Variants in CTNNA3 observed in about 807,000 individuals in gnomAD.
CTNNA3 encodes the protein catenin alpha-3.
A neutral mutation model predicts 95.7 loss-of-function variants in CTNNA3; 76 were observed. The observed-to-expected ratio is 0.79, with a 90% CI of 0.66 to 0.96. The LOEUF is 0.96. Among genes scored for constraint, CTNNA3 ranks in the 40% least tolerant of loss-of-function variants. CTNNA3 has a pLI of 0.00. For missense variants in CTNNA3, 1,191 were observed against 1,089.8 expected, an observed-to-expected ratio of 1.09 and a Z score of -1.31; for synonymous variants, 431 against 374.4, an observed-to-expected ratio of 1.15 and a Z score of -1.74.
intron 5 of CTNNA3, among the ~76,000 whole-genome samples, chr10:67,235,175 A>G (rs1589065341): frequency 6.6e-6 from 1 of 152,216 alleles, no homozygotes; most frequent in African/African-American, 2.4e-5. Flanking sequence ...TTAAAGTTCA[A>G]ATGGAACCAA....
intron 11 of CTNNA3, among the ~76,000 whole-genome samples, chr10:66,387,593 G>A (rs988147391): frequency 5.3e-5 from 8 of 152,062 alleles, no homozygotes; most frequent in East Asian, 1.9e-4. Flanking sequence ...TCCCATTACT[G>A]GGTATATATA....
At chr10:66,518,565 G>C (rs1840944912) in intron 11 of CTNNA3, among the ~76,000 whole-genome samples, 1 of 152,042 alleles carries the variant, frequency 6.6e-6, no homozygotes, top group African/African-American at 2.4e-5. Flanking sequence ...GCTTAATGTT[G>C]TTCATAATAA....
At chr10:66,175,970 T>C (rs535959051) in intron 13 of CTNNA3, among the ~76,000 whole-genome samples, 1 of 152,326 alleles carries the variant, frequency 6.6e-6, no homozygotes, top group East Asian at 1.9e-4. Flanking sequence ...TCCATTCAGC[T>C]TTTATAATTA....
At chr10:66,994,227 A>G (rs1589564984) in intron 7 of CTNNA3, among the ~76,000 whole-genome samples, 1 of 152,192 alleles carries the variant, frequency 6.6e-6, no homozygotes, top group Non-Finnish European at 1.5e-5. Flanking sequence ...GGTTAAAAGG[A>G]AAAGATGAAA....
At chr10:66,565,602 T>G (rs1328524518) in intron 10 of CTNNA3, among the ~76,000 whole-genome samples, 1 of 152,154 alleles carries the variant, frequency 6.6e-6, no homozygotes, top group African/African-American at 2.4e-5. Context: ...CACAGCAGGT[T>G]GAAGGATGGC....
chr10:67,192,687 G>C (rs1381642512), intron 6 of CTNNA3, among the ~76,000 whole-genome samples: 1 of 151,928 alleles, frequency 6.6e-6, no homozygotes, highest in Non-Finnish European at 1.5e-5. Flanking sequence ...ATGAAAAAAA[G>C]TGGGGAGATT....
chr10:66,818,764 A>G (rs1842187067), intron 7 of CTNNA3, among the ~76,000 whole-genome samples: 1 of 151,990 alleles, frequency 6.6e-6, no homozygotes, highest in Non-Finnish European at 1.5e-5. Flanking sequence ...TGATCATAAT[A>G]TTCATATGGA....
At chr10:67,066,702 C>T (rs1589688522) in intron 7 of CTNNA3, among the ~76,000 whole-genome samples, 1 of 152,276 alleles carries the variant, frequency 6.6e-6, no homozygotes, top group East Asian at 1.9e-4. Flanking sequence ...TATTATCCCT[C>T]TTCCTTTCTG....
chr10:67,130,986 T>G (rs1053605101), intron 7 of CTNNA3, among the ~76,000 whole-genome samples: 1 of 152,120 alleles, frequency 6.6e-6, no homozygotes, highest in Non-Finnish European at 1.5e-5. Flanking sequence ...ATATAGGGCA[T>G]GCAGAGTCTA....
chr10:67,146,365 A>G (rs1198017231), intron 7 of CTNNA3, among the ~76,000 whole-genome samples: 1 of 152,226 alleles, frequency 6.6e-6, no homozygotes, highest in Admixed American at 6.5e-5. Flanking sequence ...CTATCTATAT[A>G]CCTCTGCCTC....
chr10:67,559,607 C>T (rs1427611140), intron 3 of CTNNA3, among the ~76,000 whole-genome samples: 2 of 152,166 alleles, frequency 1.3e-5, no homozygotes, highest in African/African-American at 4.8e-5. Context: ...AGGAACACAG[C>T]TCCTCACCAG....
rs1841659518 is a variant in CTNNA3, at chr10:67,564,225, A to T, written c.293-24556T>A. ...TTATTGTGGCACTATTCACAATAGC[A>T]AAGACTTGAAACCAACCCAAATGTC... On this transcript the variant is annotated intron_variant, in intron 3 of 17. Coordinates refer to ENST00000433211, the MANE Select transcript of CTNNA3 (RefSeq NM_013266.4). Among the ~76,000 whole-genome samples the T allele has an allele frequency of 2.0e-5, 3 of 149,670 alleles. 1 individual carries two copies. The highest frequency in any genetic ancestry group is 2.0e-4 in the Admixed American group (3 of 14,976).
chr10:67,307,699 T>A (rs1840613249), intron 5 of CTNNA3, among the ~76,000 whole-genome samples: 1 of 152,172 alleles, frequency 6.6e-6, no homozygotes, highest in Non-Finnish European at 1.5e-5. Context: ...GCCTATCACC[T>A]CTTTCTAAGA....
intron 1 of CTNNA3, among the ~76,000 whole-genome samples, chr10:67,710,412 T>A (rs1841100967): frequency 6.6e-6 from 1 of 152,194 alleles, no homozygotes; most frequent in African/African-American, 2.4e-5. Context: ...ATCCCCATTG[T>A]TACTTATTCT....
At chr10:66,697,824 T>C (rs1233965997) in intron 9 of CTNNA3, among the ~76,000 whole-genome samples, 1 of 152,182 alleles carries the variant, frequency 6.6e-6, no homozygotes, top group African/African-American at 2.4e-5. Flanking sequence ...AAGAGAGATA[T>C]AGTGTATAAA....
At chr10:66,542,658 T>C (rs1232506639) in intron 10 of CTNNA3, among the ~76,000 whole-genome samples, 1 of 149,424 alleles carries the variant, frequency 6.7e-6, no homozygotes, top group African/African-American at 2.5e-5. Context: ...AAACACCGCA[T>C]GTTCTCACTC....
At chr10:66,657,018 GAA>G (rs1393811263) in intron 9 of CTNNA3, among the ~76,000 whole-genome samples, 1 of 152,058 alleles carries the variant, frequency 6.6e-6, no homozygotes, top group African/African-American at 2.4e-5. Context: ...AAGAAAATTT[GAA>G]GTTTTTCTCT....
At chr10:67,085,449 T>C (rs1857252716) in intron 7 of CTNNA3, among the ~76,000 whole-genome samples, 1 of 151,880 alleles carries the variant, frequency 6.6e-6, no homozygotes. Context: ...TGAGAAGAGC[T>C]ATTCACCACA....
chr10:66,245,658 A>G, intron 13 of CTNNA3, among the ~76,000 whole-genome samples: 1 of 152,152 alleles, frequency 6.6e-6, no homozygotes, highest in Non-Finnish European at 1.5e-5. Context: ...AGGAGTGGGA[A>G]GCTCCTCTCC....
Sources: allele counts gnomAD v4.1 joint callset (sites outside exome capture counted in the v4.1 genomes callset), GRCh38; gene constraint gnomAD v4.1.1; transcripts MANE v1.5; gene names NCBI Gene and HGNC (gene_info 2026-07-23, HGNC 2026-07-21).